The following MSH3 variants were observed in gnomAD, a reference collection of about 807,000 sequenced individuals.
MSH3 encodes the protein DNA mismatch repair protein Msh3.
Under a neutral mutation model 123.3 loss-of-function variants are expected in MSH3, and 106 were observed. That is an observed-to-expected ratio of 0.86 (90% CI 0.73 to 1.01). MSH3 has a LOEUF of 1.01. Ranked by LOEUF, MSH3 falls within the 50% of genes least tolerant of loss-of-function variation. MSH3 has a pLI of 0.00. For synonymous variants in MSH3, 515 were observed against 481.4 expected (o/e 1.07, Z -0.91); for missense variants, 1,459 against 1,347.6 (o/e 1.08, Z -1.29).
chr5:80,689,115 G>A (rs556226935), intron 8 of MSH3, among the ~76,000 whole-genome samples: 4 of 152,236 alleles, frequency 2.6e-5, no homozygotes, highest in South Asian at 4.1e-4. Context: ...TGGGAACATC[G>A]AGTTGACTGG....
At chr5:80,799,019 TAGG>T (rs1580056884) in intron 19 of MSH3, among the ~76,000 whole-genome samples, 1 of 152,200 alleles carries the variant, frequency 6.6e-6, no homozygotes, top group African/African-American at 2.4e-5. Context: ...CTCACAATGG[TAGG>T]AGATTTAAAT....
At chr5:80,857,573 A>G (rs1439861031) in intron 21 of MSH3, among the ~76,000 whole-genome samples, 2 of 152,198 alleles carry the variant, frequency 1.3e-5, no homozygotes, top group East Asian at 1.9e-4. Context: ...ATATAGACCT[A>G]TTCAGAATTT....
chr5:80,869,447 G>A (rs1444950879), intron 22 of MSH3, among the ~76,000 whole-genome samples: 1 of 152,060 alleles, frequency 6.6e-6, no homozygotes, highest in East Asian at 1.9e-4. Context: ...TCTCTCCCAT[G>A]TGGCTTTTTC....
chr5:80,857,290 T>C (rs980595710), intron 21 of MSH3, among the ~76,000 whole-genome samples: 5 of 152,346 alleles, frequency 3.3e-5, no homozygotes, highest in African/African-American at 1.2e-4. Context: ...ATTGTTGGAT[T>C]CATTTTGCTA....
chr5:80,808,484 A>G (rs1274155889), intron 19 of MSH3, among the ~76,000 whole-genome samples: 2 of 152,128 alleles, frequency 1.3e-5, no homozygotes, highest in Non-Finnish European at 2.9e-5. Context: ...TCTAAGGGTC[A>G]TTTTGTTCTC....
At chr5:80,839,520 ATATT>A (rs1204034425) in intron 20 of MSH3, among the ~76,000 whole-genome samples, 2 of 152,316 alleles carry the variant, frequency 1.3e-5, no homozygotes, top group East Asian at 3.9e-4. Context: ...TCCTAGAACA[ATATT>A]TCCTGTGTAT....
chr5:80,753,780 C>T (rs914503280), intron 12 of MSH3, among the ~76,000 whole-genome samples: 1 of 152,050 alleles, frequency 6.6e-6, no homozygotes, highest in Non-Finnish European at 1.5e-5. Flanking sequence ...CCCAGAGGCT[C>T]TTCAGTTTTA....
chr5:80,871,245 A>T (rs372775292), intron 22 of MSH3, among the ~76,000 whole-genome samples: 7 of 152,106 alleles, frequency 4.6e-5, no homozygotes, highest in African/African-American at 1.7e-4. Flanking sequence ...GGTGAGGGGG[A>T]TAGACCTCTA....
chr5:80,659,911 C>T (rs1324593626), intron 2 of MSH3, among the ~76,000 whole-genome samples: 1 of 152,174 alleles, frequency 6.6e-6, no homozygotes, highest in Non-Finnish European at 1.5e-5. Context: ...ATATCCACCT[C>T]AGTTCTTAAC....
intron 12 of MSH3, among the ~76,000 whole-genome samples, chr5:80,748,677 G>C (rs1388146038): frequency 6.9e-6 from 1 of 145,600 alleles, no homozygotes; most frequent in African/African-American, 2.6e-5. Flanking sequence ...ATATAGTCTT[G>C]TCAATTTTTT....
intron 17 of MSH3, 44 bp from the exon 18 acceptor site, chr5:80,787,521 A>G: frequency 8.2e-7 from 1 of 1,221,182 alleles, no homozygotes; most frequent in Non-Finnish European, 1.2e-6. Flanking sequence ...TAGGTTTAAG[A>G]TATCAGTTTG....
At chr5:80,779,703 C>T (rs1017103527) in intron 17 of MSH3, among the ~76,000 whole-genome samples, 24 of 151,650 alleles carry the variant, frequency 1.6e-4, no homozygotes, top group South Asian at 2.1e-4. Flanking sequence ...GGACTACAGG[C>T]GCACACCGCC....
At chr5:80,696,009 A>C (rs1750469854) in intron 8 of MSH3, among the ~76,000 whole-genome samples, 1 of 152,094 alleles carries the variant, frequency 6.6e-6, no homozygotes, top group Admixed American at 6.5e-5. Flanking sequence ...TGCCAGGTGG[A>C]GGTAGAAACC....
intron 8 of MSH3, among the ~76,000 whole-genome samples, chr5:80,700,246 T>A (rs1304771038): frequency 6.6e-6 from 1 of 152,152 alleles, no homozygotes. Context: ...CTGGGCATGA[T>A]GGCACGTGCC....
intron 21 of MSH3, among the ~76,000 whole-genome samples, chr5:80,862,752 C>T (rs1257564640): frequency 6.6e-6 from 1 of 151,660 alleles, no homozygotes; most frequent in African/African-American, 2.4e-5. Flanking sequence ...AGATTGAGAC[C>T]CTGTCTCTAA....
chr5:80,766,991 TG>T (rs1744134577), intron 13 of MSH3, among the ~76,000 whole-genome samples: 1 of 152,066 alleles, frequency 6.6e-6, no homozygotes, highest in Non-Finnish European at 1.5e-5. Context: ...TATACATATA[TG>T]GTATATGATA....
At chr5:80,772,436 C>T (rs979775068) in intron 15 of MSH3, among the ~76,000 whole-genome samples, 1 of 152,040 alleles carries the variant, frequency 6.6e-6, no homozygotes, top group African/African-American at 2.4e-5. Context: ...TTCGGCAAGC[C>T]TAGCAACGTT....
intron 11 of MSH3, among the ~76,000 whole-genome samples, chr5:80,741,793 G>A (rs1269158869): frequency 6.6e-6 from 1 of 151,242 alleles, no homozygotes; most frequent in Non-Finnish European, 1.5e-5. Flanking sequence ...GACAATTTCT[G>A]TAACATCATT....
chr5:80,864,734 C>G, intron 21 of MSH3, 79 bp from the exon 22 acceptor site: 1 of 1,354,184 alleles, frequency 7.4e-7, no homozygotes, highest in Non-Finnish European at 1.0e-6. Flanking sequence ...TAAAATTTTT[C>G]AAAAGAAAGT....
Sources: allele counts gnomAD v4.1 joint callset (sites outside exome capture counted in the v4.1 genomes callset), GRCh38; gene constraint gnomAD v4.1.1; transcripts MANE v1.5; gene names NCBI Gene and HGNC (gene_info 2026-07-23, HGNC 2026-07-21).